The following NTM variants were observed in gnomAD, a reference collection of about 807,000 sequenced individuals.
The protein encoded by NTM is neurotrimin.
NTM carries 13 observed loss-of-function variants against 42.1 expected under a neutral mutation model. The observed-to-expected ratio is 0.31, with a 90% CI of 0.20 to 0.49. NTM has a LOEUF of 0.49. NTM is among the 20% of genes least tolerant of loss of function. The pLI is 0.99. For missense variants in NTM, 373 were observed against 452.8 expected (o/e 0.82, Z 1.60); for synonymous variants, 187 against 179.2 (o/e 1.04, Z -0.35).
chr11:132,111,691 C>T (rs571108242), intron 2 of NTM, among the ~76,000 whole-genome samples: 159 of 152,340 alleles, frequency 1.0e-3, no homozygotes, highest in Non-Finnish European at 1.8e-3. Context: ...ATTCCTCAGA[C>T]ATCAAAGTCA....
At chr11:132,268,427 A>G (rs2093317236) in intron 4 of NTM, among the ~76,000 whole-genome samples, 1 of 152,226 alleles carries the variant, frequency 6.6e-6, no homozygotes, top group African/African-American at 2.4e-5. Flanking sequence ...TCAAAATTTC[A>G]CAACACACAT....
chr11:131,671,682 G>C, intron 1 of NTM: 1 of 852,082 alleles, frequency 1.2e-6, no homozygotes, highest in Non-Finnish European at 1.4e-6. Context: ...CAGACGCCTT[G>C]GGCTAATTCA....
At chr11:132,235,635 C>G (rs574220794) in intron 4 of NTM, among the ~76,000 whole-genome samples, 1 of 152,150 alleles carries the variant, frequency 6.6e-6, no homozygotes, top group South Asian at 2.1e-4. Flanking sequence ...TGAGGTAATG[C>G]AGGCTGAGCC....
chr11:132,314,452 G>C (rs993223901), intron 6 of NTM, 100 bp from the exon 7 acceptor site: 65 of 1,309,100 alleles, frequency 5.0e-5, no homozygotes, highest in Non-Finnish European at 6.5e-5. Context: ...ATGTCAGAAA[G>C]GGGGGCAAGG....
rs181384454 is a variant in NTM, at chr11:131,923,345, C to T, written c.167+11697C>T. 4.6e-5 allele frequency among the ~76,000 whole-genome samples: 7 copies of T among 152,204 alleles called. No individual in the cohort carries two copies. The South Asian group carries it at 6.2e-4, about 14-fold the overall frequency. On this transcript the variant is annotated intron_variant, in intron 2 of 8. Transcript: ENST00000683400. ...CAGGATATTTGTTGAGTGAATGAAACGTTTGTTAGGAATAATAGTAAGCTA... is the reference window on the plus strand; with the variant it reads ...CAGGATATTTGTTGAGTGAATGAAATGTTTGTTAGGAATAATAGTAAGCTA...
intron 1 of NTM, among the ~76,000 whole-genome samples, chr11:131,455,828 G>A (rs141863628): frequency 6.0e-4 from 92 of 152,270 alleles, no homozygotes; most frequent in African/African-American, 2.1e-3. Context: ...TGTTGAAGTC[G>A]AATAAATATA....
At chr11:131,867,505 G>A (rs988147538) in intron 1 of NTM, among the ~76,000 whole-genome samples, 12 of 151,860 alleles carry the variant, frequency 7.9e-5, no homozygotes, top group East Asian at 3.9e-4. Flanking sequence ...ATCTGTGAGC[G>A]TGTGTACACG....
chr11:131,893,470 ATTC>A (rs1440376445), intron 1 of NTM, among the ~76,000 whole-genome samples: 6 of 152,156 alleles, frequency 3.9e-5, no homozygotes. Context: ...TAGGAGTATT[ATTC>A]TTGGTGCATT....
intron 1 of NTM, among the ~76,000 whole-genome samples, chr11:131,549,254 C>A (rs78707234): frequency 0.032 from 4,929 of 152,146 alleles, 285 homozygotes; most frequent in African/African-American, 0.11. Flanking sequence ...TGGGAAGGGA[C>A]CTTGTGTTTA....
chr11:131,597,544 G>T (rs1178905580), intron 1 of NTM, among the ~76,000 whole-genome samples: 1 of 152,108 alleles, frequency 6.6e-6, no homozygotes, highest in Non-Finnish European at 1.5e-5. Flanking sequence ...AAGGCCTAAG[G>T]CGCGCAAGTT....
At chr11:132,139,894 A>G (rs2068741411) in intron 2 of NTM, among the ~76,000 whole-genome samples, 1 of 152,238 alleles carries the variant, frequency 6.6e-6, no homozygotes, top group Non-Finnish European at 1.5e-5. Flanking sequence ...TAGAGACACA[A>G]GTGAAAATAA....
At chr11:132,095,887 C>T (rs1304026167) in intron 2 of NTM, among the ~76,000 whole-genome samples, 3 of 152,218 alleles carry the variant, frequency 2.0e-5, no homozygotes, top group Non-Finnish European at 2.9e-5. Flanking sequence ...TGTACTCTAC[C>T]TGGGCCAAAA....
At chr11:132,036,925 C>A (rs986604988) in intron 2 of NTM, among the ~76,000 whole-genome samples, 5 of 152,036 alleles carry the variant, frequency 3.3e-5, no homozygotes, top group African/African-American at 1.2e-4. Context: ...TGGGTGGTAT[C>A]CTGGGGTCAG....
chr11:132,050,742 G>C (rs2078738109), intron 2 of NTM, among the ~76,000 whole-genome samples: 1 of 152,202 alleles, frequency 6.6e-6, no homozygotes, highest in South Asian at 2.1e-4. Context: ...CAGGCCACCA[G>C]ATGTGGGGCA....
intron 2 of NTM, among the ~76,000 whole-genome samples, chr11:132,114,992 C>T (rs1283311003): frequency 6.6e-6 from 1 of 152,188 alleles, no homozygotes; most frequent in Non-Finnish European, 1.5e-5. Flanking sequence ...CCCATGGTAA[C>T]ATTTTCGGCA....
intron 1 of NTM, among the ~76,000 whole-genome samples, chr11:131,427,366 GA>G (rs903857448): frequency 1.3e-5 from 2 of 151,100 alleles, no homozygotes; most frequent in Middle Eastern, 3.2e-3. Flanking sequence ...TTTGTGCTGA[GA>G]AAAAAAAATA....
rs144211112 is a variant in NTM, at chr11:131,444,936, G to A, written c.82+74048G>A. 2.4e-3 allele frequency among the ~76,000 whole-genome samples: 363 copies of A among 152,272 alleles called. 1 individual carries two copies. The highest frequency in any genetic ancestry group is 8.0e-3 in the African/African-American group (331 of 41,544). ...TCTCATAAAATCAGGAAAGGGGTAC[G>A]TATCAAATCAGTGCTTCTCAAACTT... is the stretch of plus-strand genomic sequence containing the variant. On this transcript the variant is annotated intron_variant, in intron 1 of 8. Transcript: ENST00000683400.
chr11:131,922,010 C>T (rs1009344822), intron 2 of NTM: 3 of 152,598 alleles, frequency 2.0e-5, no homozygotes, highest in African/African-American at 4.8e-5. Flanking sequence ...CTGTCACCAG[C>T]AACATTTTTA....
intron 6 of NTM, chr11:132,312,677 A>G (rs1327370394): frequency 1.9e-5 from 3 of 154,832 alleles, no homozygotes; most frequent in Non-Finnish European, 4.4e-5. Context: ...CTGAAATCTC[A>G]TTCACAGTTT....
Sources: gnomAD v4.1 joint callset for allele counts (sites outside exome capture counted in the v4.1 genomes callset) on GRCh38, gnomAD v4.1.1 for gene constraint, MANE v1.5 for transcripts, NCBI Gene and HGNC (gene_info 2026-07-23, HGNC 2026-07-21) for gene names.